The following UNC13B variants were observed in gnomAD, a reference collection of about 807,000 sequenced individuals.
UNC13B encodes the protein unc-13 homolog B, also known as protein unc-13 homolog B.
UNC13B carries 144 observed loss-of-function variants against 211.0 expected under a neutral mutation model. The ratio of observed to expected loss-of-function variants is 0.68; its 90% confidence interval spans 0.60 to 0.78. The LOEUF (loss-of-function observed/expected upper bound fraction) is 0.78. UNC13B is among the 30% of genes least tolerant of loss of function. The probability of loss-of-function intolerance (pLI) is 0.00; values close to 1 mark genes in which losing one functional copy is unlikely to be tolerated. For synonymous variants in UNC13B, 709 were observed against 725.8 expected (o/e 0.98, Z 0.37); for missense variants, 1,777 against 2,002.0 (o/e 0.89, Z 2.14).
intron 1 of UNC13B, among the ~76,000 whole-genome samples, chr9:35,197,257 G>T (rs899675165): frequency 2.0e-5 from 3 of 151,816 alleles, no homozygotes; most frequent in African/African-American, 7.3e-5. Context: ...ACCGAGGCTG[G>T]GGGGCAGTGG....
At position 35,162,168 on chromosome 9, in the gene UNC13B, A is replaced by G; in HGVS notation, c.-116A>G. The G allele has an allele frequency of 1.4e-6, 2 of 1,460,888 alleles. No individual in the cohort carries two copies. Among genetic ancestry groups the G allele is most frequent in the Non-Finnish European group, 1.9e-6 (2 of 1,079,448 alleles). 90.5% of individuals were successfully genotyped at this position (1,460,888 alleles called of 1,614,324 possible). ...GACGCTACCTGCGACCGGGACCATG[A>G]GGAGCTGCCAGACCCGTGGGGCCGG... On this transcript the variant is annotated 5_prime_UTR_variant, in exon 1 of 40. Coordinates refer to ENST00000635942, the MANE Select transcript of UNC13B (RefSeq NM_001371189.2).
rs1829755060 is a variant in UNC13B, at chr9:35,302,906, T to G, written c.3502T>G (p.Leu1168Val). Residue 1168 changes from leucine (L) to valine (V), a missense_variant, in exon 9 of 40, where the codon TTG (leucine) becomes GTG (valine). Physicochemically the swap from Leu to Val is conservative, Grantham distance 32. Coordinates refer to ENST00000635942, the MANE Select transcript of UNC13B (RefSeq NM_001371189.2). ...AAATTTGTCTAGTCAAGAATTAAATTTGAAAAATGATGACTCCCATCACAA... is the reference window on the plus strand; with the variant it reads ...AAATTTGTCTAGTCAAGAATTAAATGTGAAAAATGATGACTCCCATCACAA... ...AENLSSQELN[L>V]KNDDSHHKNN... 2 of 398,542 alleles carry G rather than the reference T, an allele frequency of 5.0e-6. No individual in the cohort carries two copies. The highest frequency in any genetic ancestry group is 4.1e-5 in the African/African-American group (2 of 48,600). 24.7% of individuals were successfully genotyped at this position (398,542 alleles called of 1,614,324 possible).
At position 35,382,397 on chromosome 9, in the gene UNC13B, G is replaced by A. The variant is rs1389915643; in HGVS notation, c.10696G>A (p.Val3566Met). 1.2e-6 allele frequency: 2 copies of A among 1,614,010 alleles called. No individual in the cohort carries two copies. The highest frequency in any genetic ancestry group is 1.7e-5 in the Admixed American group (1 of 59,996). ...CLSSKYMCPG[V>M]PAVMSTLLAN... ...ATCATCCAAGTACATGTGTCCTGGT[G>A]TGCCAGCAGTGATGAGCACCTTACT... Residue 3566 changes from valine (V) to methionine (M), a missense_variant, in exon 21 of 40, where the codon GTG becomes ATG. Transcript: ENST00000635942.
At chr9:35,225,604 C>G (rs528992164) in intron 1 of UNC13B, among the ~76,000 whole-genome samples, 1 of 151,572 alleles carries the variant, frequency 6.6e-6, no homozygotes, top group East Asian at 1.9e-4. Context: ...GGCTTTGATT[C>G]TGGGTGGGTG....
At chr9:35,364,714 A>C in intron 11 of UNC13B, 1 of 981,286 alleles carries the variant, frequency 1.0e-6, no homozygotes, top group Non-Finnish European at 1.4e-6. Flanking sequence ...TGGCTCATGC[A>C]GTCTATTTTT....
chr9:35,314,049 T>A, intron 11 of UNC13B, 60 bp downstream of exon 11: 2 of 1,348,190 alleles, frequency 1.5e-6, no homozygotes, highest in Non-Finnish European at 2.1e-6. Flanking sequence ...GGGAGACATA[T>A]GGTGCTGGAG....
intron 17 of UNC13B, 104 bp downstream of exon 17, chr9:35,378,540 G>A (rs1429512167): frequency 1.4e-6 from 2 of 1,455,854 alleles, no homozygotes; most frequent in South Asian, 1.2e-5. Flanking sequence ...GCAAAGGCAG[G>A]GGAGAAAACT....
In UNC13B at chr9:35,352,829, A is replaced by G. The variant is rs531037292; in HGVS notation, c.9415-14118A>G. 2.5e-5 allele frequency: 31 copies of G among 1,232,206 alleles called. No individual in the cohort carries two copies. In the South Asian group the frequency reaches 9.5e-4, roughly 38 times the overall value. 76.3% of individuals were successfully genotyped at this position (1,232,206 alleles called of 1,614,324 possible). A position where few individuals can be genotyped will look rare whatever the true frequency, so the allele number is the denominator to read the frequency against. On this transcript the variant is annotated intron_variant, in intron 11 of 39. Coordinates refer to ENST00000635942, the MANE Select transcript of UNC13B (RefSeq NM_001371189.2). ...GGAACCTGCCCTAGTATTAATCTCA[A>G]AAGAGGAGGCTTCTGGGAAGTCCCA...
intron 23 of UNC13B, 57 bp downstream of exon 23, chr9:35,385,870 G>A (rs1344256573): frequency 3.8e-6 from 6 of 1,567,006 alleles, no homozygotes; most frequent in Non-Finnish European, 5.2e-6. Context: ...CTACAGGAAC[G>A]TGAAGAATGA....
intron 1 of UNC13B, among the ~76,000 whole-genome samples, chr9:35,194,949 G>A (rs6476477): frequency 0.026 from 3,961 of 152,246 alleles, 174 homozygotes; most frequent in African/African-American, 0.088. Context: ...GCAAAAGGTG[G>A]ACTGGCGGCG....
chr9:35,361,199 G>A (rs1833390008), intron 11 of UNC13B: 2 of 152,294 alleles, frequency 1.3e-5, no homozygotes, highest in Middle Eastern at 3.4e-3. Flanking sequence ...GGACTGTCTG[G>A]AACAGTGAGA....
chr9:35,203,466 C>T (rs1006929906), intron 1 of UNC13B, among the ~76,000 whole-genome samples: 22 of 151,516 alleles, frequency 1.5e-4, no homozygotes, highest in Non-Finnish European at 3.1e-4. Context: ...CTTTTCTTTA[C>T]GAATGTTGAA....
intron 1 of UNC13B, among the ~76,000 whole-genome samples, chr9:35,183,961 G>A (rs571184043): frequency 3.9e-4 from 57 of 144,526 alleles, no homozygotes; most frequent in African/African-American, 1.3e-3. Flanking sequence ...CCACCCAGAC[G>A]GGGCGGCGGG....
At chr9:35,403,359 C>T (rs1836456681) in intron 38 of UNC13B, 81 bp from the exon 39 acceptor site, 2 of 1,603,096 alleles carry the variant, frequency 1.2e-6, no homozygotes, top group Admixed American at 1.7e-5. Flanking sequence ...GCTCAGCCCT[C>T]CTCCAAGGGG....
intron 11 of UNC13B, chr9:35,351,893 T>C (rs1266012522): frequency 1.6e-6 from 2 of 1,232,258 alleles, no homozygotes; most frequent in East Asian, 3.2e-5. Flanking sequence ...CAAGACCCTT[T>C]TGTCCAGAGG....
chr9:35,320,147 T>C (rs1830667415), intron 11 of UNC13B, among the ~76,000 whole-genome samples: 1 of 152,170 alleles, frequency 6.6e-6, no homozygotes, highest in Admixed American at 6.5e-5. Context: ...TGTTGATGGG[T>C]ACCTAGGTTG....
At chr9:35,264,225 C>A (rs909323583) in intron 7 of UNC13B, among the ~76,000 whole-genome samples, 2 of 152,206 alleles carry the variant, frequency 1.3e-5, no homozygotes, top group Admixed American at 6.5e-5. Flanking sequence ...GAGAAAACTT[C>A]CATCTTAGAG....
chr9:35,223,585 T>A (rs1291863931), intron 1 of UNC13B, among the ~76,000 whole-genome samples: 5 of 151,882 alleles, frequency 3.3e-5, no homozygotes. Flanking sequence ...ATTAGTCCCT[T>A]GTTGGATGAA....
rs1422095509 is a variant in UNC13B, at chr9:35,283,172, T to C, written c.527-12524T>C. Among the ~76,000 whole-genome samples the C allele has an allele frequency of 2.6e-5, 4 of 152,214 alleles. No homozygotes were observed. In the East Asian group the frequency reaches 7.7e-4, roughly 29 times the overall value. ...TATGTATTTTTCCTCTATGGCACTT[T>C]CTCAGTTTGTATGATTATTTGATTA... On this transcript the variant is annotated intron_variant, in intron 7 of 39. Coordinates refer to ENST00000635942, the MANE Select transcript of UNC13B (RefSeq NM_001371189.2).
Sources: gnomAD v4.1 joint callset for allele counts (sites outside exome capture counted in the v4.1 genomes callset) on GRCh38, gnomAD v4.1.1 for gene constraint, MANE v1.5 for transcripts, NCBI Gene and HGNC (gene_info 2026-07-23, HGNC 2026-07-21) for gene names.